SLC30A8: variants seen among roughly 807,000 people sequenced by gnomAD.
SLC30A8 encodes proton-coupled zinc antiporter SLC30A8.
Under a neutral mutation model 36.9 loss-of-function variants are expected in SLC30A8, and 27 were observed. That is an observed-to-expected ratio of 0.73 (90% CI 0.54 to 1.01). The LOEUF (loss-of-function observed/expected upper bound fraction) is 1.01, where lower values mean the gene tolerates loss of function less well. Among genes scored for constraint, SLC30A8 ranks in the 50% least tolerant of loss-of-function variants. The pLI, the probability that SLC30A8 is intolerant of heterozygous loss-of-function variation, is 0.00. For synonymous variants in SLC30A8, 164 were observed against 172.4 expected (o/e 0.95, Z 0.38); for missense variants, 439 against 452.0 (o/e 0.97, Z 0.26).
At chr8:117,100,740 C>G (rs1403231864) in intron 2 of SLC30A8, among the ~76,000 whole-genome samples, 2 of 152,192 alleles carry the variant, frequency 1.3e-5, no homozygotes, top group Non-Finnish European at 2.9e-5. Flanking sequence ...AGAGTAGATA[C>G]TATCAATATT....
chr8:117,099,328 T>G (rs1819609704), intron 2 of SLC30A8, among the ~76,000 whole-genome samples: 1 of 152,194 alleles, frequency 6.6e-6, no homozygotes, highest in Non-Finnish European at 1.5e-5. Context: ...GTCTCACGTC[T>G]CAGCTACAAT....
chr8:117,043,070 C>T (rs925262403), intron 2 of SLC30A8, among the ~76,000 whole-genome samples: 1 of 152,184 alleles, frequency 6.6e-6, no homozygotes, highest in Non-Finnish European at 1.5e-5. Context: ...AGAAACCCTG[C>T]AGGATATCAA....
chr8:117,172,789 A>G lies in SLC30A8; in HGVS notation c.*108A>G, dbSNP rs1278340123. The G allele has an allele frequency of 2.4e-6, 3 of 1,256,562 alleles. No individual in the cohort carries two copies. The highest frequency in any genetic ancestry group is 1.4e-5 in the South Asian group (1 of 73,854). 77.8% of individuals were successfully genotyped at this position (1,256,562 alleles called of 1,614,324 possible). A position where few individuals can be genotyped will look rare whatever the true frequency, so the allele number is the denominator to read the frequency against. ...GGAACCAAAGGAAGAAATTCATGTC[A>G]TGGTGCAATGCACATTTTATCTATT... On this transcript the variant is annotated 3_prime_UTR_variant, in exon 8 of 8. Coordinates refer to ENST00000456015, the MANE Select transcript of SLC30A8 (RefSeq NM_173851.3).
At chr8:117,023,311 G>A (rs1816765677) in intron 1 of SLC30A8, among the ~76,000 whole-genome samples, 1 of 152,106 alleles carries the variant, frequency 6.6e-6, no homozygotes, top group Non-Finnish European at 1.5e-5. Context: ...AAGTCAGTGT[G>A]GCGATTCCTC....
intron 1 of SLC30A8, among the ~76,000 whole-genome samples, chr8:117,001,165 A>G (rs925525577): frequency 7.0e-6 from 1 of 142,666 alleles, no homozygotes; most frequent in African/African-American, 2.6e-5. Flanking sequence ...TGATGACCCA[A>G]TTTGAACCAA....
At chr8:116,976,243 T>TCTC (rs956937245) in intron 1 of SLC30A8, among the ~76,000 whole-genome samples, 2,154 of 125,932 alleles carry the variant, frequency 0.017, 59 homozygotes, top group African/African-American at 0.063. Context: ...GTTCTCTCTC[T>TCTC]TTTTTTTTTT....
At chr8:117,053,622 C>A in intron 2 of SLC30A8, among the ~76,000 whole-genome samples, 1 of 152,160 alleles carries the variant, frequency 6.6e-6, no homozygotes. Flanking sequence ...GAGGCTCTGA[C>A]AAGCAAATCA....
chr8:117,025,042 G>T (rs1445500077), intron 1 of SLC30A8, among the ~76,000 whole-genome samples: 1 of 152,134 alleles, frequency 6.6e-6, no homozygotes, highest in Non-Finnish European at 1.5e-5. Context: ...TTCTACTGAA[G>T]CCCAAAGAAA....
chr8:117,148,669 G>A (rs1007966038), intron 2 of SLC30A8, among the ~76,000 whole-genome samples: 4 of 152,094 alleles, frequency 2.6e-5, no homozygotes, highest in African/African-American at 9.7e-5. Flanking sequence ...CCAGGAATAT[G>A]TTATGTTTCT....
chr8:117,135,519 T>A (rs1287567285), intron 1 of SLC30A8, 121 bp downstream of exon 1: 1 of 593,590 alleles, frequency 1.7e-6, no homozygotes, highest in Non-Finnish European at 2.8e-6. Flanking sequence ...TGGAACATTT[T>A]ATAAGTTGTT....
rs113194194 is a variant in SLC30A8 at position 117,009,929 on chromosome 8, G to A, written c.-265-29290G>A. Among the ~76,000 whole-genome samples, 331 of 152,254 alleles carry A rather than the reference G, an allele frequency of 2.2e-3. 2 individuals are homozygous for A. Among genetic ancestry groups the A allele is most frequent in the African/African-American group, 7.7e-3 (321 of 41,538 alleles). On this transcript the variant is annotated intron_variant, in intron 1 of 10. Coordinates refer to the SLC30A8 transcript ENST00000427715. ...ATTCATTTTGTAATATTTTTTCGGAGTGAAGCAGGCAAAGCCAACGCACTT... is the reference window on the plus strand; with the variant it reads ...ATTCATTTTGTAATATTTTTTCGGAATGAAGCAGGCAAAGCCAACGCACTT...
At chr8:117,079,240 C>T (rs183873879) in intron 2 of SLC30A8, among the ~76,000 whole-genome samples, 16 of 152,172 alleles carry the variant, frequency 1.1e-4, no homozygotes, top group African/African-American at 3.4e-4. Context: ...GAGCTCCCGA[C>T]CTCAGGTGAT....
At position 117,172,940 on chromosome 8, in the gene SLC30A8, A is replaced by AGT; in HGVS notation, c.*260_*261dup. On this transcript the variant is annotated 3_prime_UTR_variant, in exon 8 of 8. Transcript: ENST00000456015. ...ATAGATTATTCCTGAGTGGAGCCGA[A>AGT]GTAACAGCTGTTTGTAACTATCGGC... 1 of 440,504 alleles carries AGT rather than the reference A, an allele frequency of 2.3e-6. No homozygotes were observed. The highest frequency in any genetic ancestry group is 4.0e-5 in the Admixed American group (1 of 25,218). 27.3% of individuals were successfully genotyped at this position (440,504 alleles called of 1,614,324 possible).
chr8:117,148,781 T>C (rs114491446), intron 2 of SLC30A8, among the ~76,000 whole-genome samples: 3,553 of 152,300 alleles, frequency 0.023, 145 homozygotes, highest in African/African-American at 0.079. Context: ...GATTATTATA[T>C]GTGTTTGGCT....
intron 1 of SLC30A8, among the ~76,000 whole-genome samples, chr8:116,977,049 C>T (rs1199738148): frequency 6.6e-6 from 1 of 151,126 alleles, no homozygotes; most frequent in African/African-American, 2.4e-5. Context: ...GATCTCTTGA[C>T]CTTGTGATCT....
intron 2 of SLC30A8, among the ~76,000 whole-genome samples, chr8:117,148,757 C>A (rs181942063): frequency 3.0e-4 from 46 of 152,118 alleles, no homozygotes; most frequent in Admixed American, 6.5e-4. Context: ...CTATTTCTTG[C>A]AAGACTTATT....
At chr8:117,117,683 A>T (rs2130892153) in intron 2 of SLC30A8, among the ~76,000 whole-genome samples, 1 of 152,080 alleles carries the variant, frequency 6.6e-6, no homozygotes, top group African/African-American at 2.4e-5. Flanking sequence ...ATAGGACTTA[A>T]GGGAGAACTT....
intron 2 of SLC30A8, among the ~76,000 whole-genome samples, chr8:117,098,448 A>G (rs1819560776): frequency 6.6e-6 from 1 of 152,160 alleles, no homozygotes; most frequent in Admixed American, 6.6e-5. Context: ...TTGTCTTCAT[A>G]TGAAACCAGA....
Position 117,157,756 on chromosome 8 carries a change from G to A in SLC30A8, c.484G>A (p.Ala162Thr). ...GGTGACTGGCGTGCTAGTGTACCTG[G>A]CATGTGAGCGCCTGCTGTATCCTGA... ...WVVTGVLVYL[A>T]CERLLYPDYQ... Residue 162 changes from alanine (A) to threonine (T), a missense_variant, in exon 4 of 8, where the codon GCA becomes ACA. By Grantham distance (58) the Ala-to-Thr change is moderately conservative. Coordinates refer to ENST00000456015, the MANE Select transcript of SLC30A8 (RefSeq NM_173851.3). 6.2e-7 allele frequency: 1 copy of A among 1,614,070 alleles called. No individual in the cohort carries two copies. Among genetic ancestry groups the A allele is most frequent in the South Asian group, 1.1e-5 (1 of 91,084 alleles).
Sources: allele counts gnomAD v4.1 joint callset (sites outside exome capture counted in the v4.1 genomes callset), GRCh38; gene constraint gnomAD v4.1.1; transcripts MANE v1.5; gene names NCBI Gene and HGNC (gene_info 2026-07-23, HGNC 2026-07-21).